The following SGCZ variants were observed in gnomAD, a reference collection of about 807,000 sequenced individuals.
SGCZ encodes zeta-sarcoglycan.
SGCZ carries 40 observed loss-of-function variants against 41.3 expected under a neutral mutation model. That is an observed-to-expected ratio of 0.97 (90% CI 0.75 to 1.26). The LOEUF (loss-of-function observed/expected upper bound fraction) is 1.26. SGCZ is among the 50% of genes most tolerant of loss of function. The pLI, the probability that SGCZ is intolerant of heterozygous loss-of-function variation, is 0.00. For synonymous variants in SGCZ, 206 were observed against 137.5 expected, an observed-to-expected ratio of 1.50 and a Z score of -3.49; for missense variants, 552 against 369.8, an observed-to-expected ratio of 1.49 and a Z score of -4.04.
At chr8:14,348,454 T>C (rs913492516) in intron 2 of SGCZ, among the ~76,000 whole-genome samples, 1 of 152,140 alleles carries the variant, frequency 6.6e-6, no homozygotes, top group Non-Finnish European at 1.5e-5. Flanking sequence ...AGTAGACATA[T>C]GTAACTACCA....
chr8:14,145,654 C>A (rs915753174), intron 5 of SGCZ, among the ~76,000 whole-genome samples: 1 of 152,086 alleles, frequency 6.6e-6, no homozygotes, highest in Non-Finnish European at 1.5e-5. Context: ...ACCTTTTAGA[C>A]AGAGAATTTA....
At chr8:15,027,804 C>G (rs1803513041) in intron 1 of SGCZ, among the ~76,000 whole-genome samples, 1 of 151,936 alleles carries the variant, frequency 6.6e-6, no homozygotes, top group Non-Finnish European at 1.5e-5. Context: ...TAAAAAAGTA[C>G]TCATAATTTT....
chr8:14,778,152 T>G (rs1800471466), intron 1 of SGCZ, among the ~76,000 whole-genome samples: 1 of 152,242 alleles, frequency 6.6e-6, no homozygotes, highest in South Asian at 2.1e-4. Context: ...AGTCTCAAAC[T>G]ACTGGCCTCA....
intron 1 of SGCZ, among the ~76,000 whole-genome samples, chr8:15,091,942 C>T (rs944008972): frequency 1.6e-4 from 25 of 151,868 alleles, no homozygotes; most frequent in African/African-American, 6.0e-4. Context: ...TTTGTAGAGA[C>T]GGGGTTTCAC....
At chr8:14,262,297 G>C (rs901673149) in intron 3 of SGCZ, among the ~76,000 whole-genome samples, 1 of 152,118 alleles carries the variant, frequency 6.6e-6, no homozygotes, top group Non-Finnish European at 1.5e-5. Context: ...ACTGTTCTTT[G>C]CTTCACAATC....
intron 4 of SGCZ, among the ~76,000 whole-genome samples, chr8:14,187,553 G>C (rs1225029228): frequency 1.3e-5 from 2 of 151,942 alleles, no homozygotes; most frequent in East Asian, 3.9e-4. Flanking sequence ...GAAAATTCTG[G>C]AGTTGAGAAA....
chr8:14,604,836 C>T (rs1285368788), intron 1 of SGCZ, among the ~76,000 whole-genome samples: 1 of 152,210 alleles, frequency 6.6e-6, no homozygotes, highest in Admixed American at 6.5e-5. Flanking sequence ...CAGCGTTATA[C>T]TGCCTCCTTA....
chr8:15,214,919 G>C (rs1426946434), intron 1 of SGCZ, among the ~76,000 whole-genome samples: 2 of 152,172 alleles, frequency 1.3e-5, no homozygotes, highest in African/African-American at 4.8e-5. Context: ...CGAAGTTGCA[G>C]ATAATGAGAC....
intron 2 of SGCZ, among the ~76,000 whole-genome samples, chr8:14,477,132 A>AT (rs766805351): frequency 3.3e-5 from 5 of 151,988 alleles, no homozygotes; most frequent in Non-Finnish European, 7.4e-5. Flanking sequence ...GTGTCTTTTC[A>AT]TTTTTGTGAC....
intron 5 of SGCZ, among the ~76,000 whole-genome samples, chr8:14,144,944 T>C (rs1178896152): frequency 1.3e-5 from 2 of 152,160 alleles, no homozygotes; most frequent in Admixed American, 1.3e-4. Context: ...TGTGGTTTGA[T>C]TGCCAGCTCA....
intron 1 of SGCZ, among the ~76,000 whole-genome samples, chr8:14,838,432 G>A (rs527795524): frequency 1.8e-4 from 27 of 152,202 alleles, no homozygotes; most frequent in Admixed American, 1.8e-3. Context: ...CTGGAGGCAT[G>A]CCTCCTTTAT....
chr8:14,954,277 A>G (rs1800729445), intron 1 of SGCZ, among the ~76,000 whole-genome samples: 1 of 152,170 alleles, frequency 6.6e-6, no homozygotes, highest in African/African-American at 2.4e-5. Context: ...GAAAAGGTTT[A>G]TAAGTACAAA....
intron 1 of SGCZ, among the ~76,000 whole-genome samples, chr8:14,793,057 A>G (rs1422201679): frequency 6.6e-6 from 1 of 152,212 alleles, no homozygotes; most frequent in African/African-American, 2.4e-5. Flanking sequence ...ACAATATGTG[A>G]TCTATCTCCA....
intron 4 of SGCZ, among the ~76,000 whole-genome samples, chr8:14,192,191 GA>G (rs1805125691): frequency 6.6e-6 from 1 of 151,958 alleles, no homozygotes; most frequent in Non-Finnish European, 1.5e-5. Flanking sequence ...AGTAAAAACA[GA>G]AAATAGGTAA....
At chr8:14,783,004 T>G (rs1800636489) in intron 1 of SGCZ, among the ~76,000 whole-genome samples, 1 of 152,192 alleles carries the variant, frequency 6.6e-6, no homozygotes, top group Admixed American at 6.5e-5. Context: ...TGCAGAATAA[T>G]TTATGTATTT....
rs115394642 is a variant in SGCZ, at chr8:14,703,386, C to T, written c.40-148460G>A. ...GGGTGGTCTGTATTCCACATATTTG[C>T]ACGACTTAGTCTTTTTATTAGAATT... is the stretch of plus-strand genomic sequence containing the variant. On this transcript the variant is annotated intron_variant, in intron 1 of 7. Coordinates refer to ENST00000382080, the MANE Select transcript of SGCZ (RefSeq NM_139167.4). Among the ~76,000 whole-genome samples the T allele has an allele frequency of 1.1e-3, 160 of 152,026 alleles. 2 individuals are homozygous for T. Among genetic ancestry groups the T allele is most frequent in the African/African-American group, 3.7e-3 (154 of 41,520 alleles).
At chr8:14,270,071 C>T (rs916957374) in intron 3 of SGCZ, among the ~76,000 whole-genome samples, 6 of 152,104 alleles carry the variant, frequency 3.9e-5, no homozygotes, top group Non-Finnish European at 8.8e-5. Context: ...GTGGTTCACG[C>T]CTATAATCCC....
chr8:14,259,081 A>G (rs1799561960), intron 3 of SGCZ, among the ~76,000 whole-genome samples: 1 of 152,160 alleles, frequency 6.6e-6, no homozygotes, highest in African/African-American at 2.4e-5. Context: ...TGTTATGAAA[A>G]AAGGCATTTA....
At chr8:14,630,032 A>G in intron 1 of SGCZ, among the ~76,000 whole-genome samples, 1 of 152,100 alleles carries the variant, frequency 6.6e-6, no homozygotes, top group South Asian at 2.1e-4. Context: ...TATCTCAGAT[A>G]TATTAGGGAA....
Sources: gnomAD v4.1 joint callset for allele counts (sites outside exome capture counted in the v4.1 genomes callset) on GRCh38, gnomAD v4.1.1 for gene constraint, MANE v1.5 for transcripts, NCBI Gene and HGNC (gene_info 2026-07-23, HGNC 2026-07-21) for gene names.